The following MTCL2 variants were observed in gnomAD, a reference collection of about 807,000 sequenced individuals.
MTCL2 encodes the protein microtubule crosslinking factor 2, also known as microtubule cross-linking factor 2.
At chr20:36,859,703 G>A in the MTCL2 span, 1 of 1,231,748 alleles carries the variant, frequency 8.1e-7, no homozygotes, top group Non-Finnish European at 1.0e-6. Context: ...ACAGTTCCCA[G>A]TGACCCCTAC....
the MTCL2 span, among the ~76,000 whole-genome samples, chr20:36,846,579 C>G: frequency 6.6e-6 from 1 of 152,190 alleles, no homozygotes; most frequent in Non-Finnish European, 1.5e-5. Flanking sequence ...GGCTTTCTAT[C>G]TCTTCCACCG....
the MTCL2 span, among the ~76,000 whole-genome samples, chr20:36,825,811 C>G: frequency 6.6e-6 from 1 of 152,154 alleles, no homozygotes; most frequent in Non-Finnish European, 1.5e-5. Context: ...TAAACACAGG[C>G]TCCCGCCTCC....
At chr20:36,846,317 C>G in the MTCL2 span, among the ~76,000 whole-genome samples, 1 of 152,320 alleles carries the variant, frequency 6.6e-6, no homozygotes, top group East Asian at 1.9e-4. Context: ...AGCCTTGGGG[C>G]CCCTGACCCT....
the MTCL2 span, among the ~76,000 whole-genome samples, chr20:36,786,790 CTGT>C: frequency 6.6e-6 from 1 of 152,214 alleles, no homozygotes. Flanking sequence ...TTTTTTCTTT[CTGT>C]TGTTCTTCTC....
the MTCL2 span, among the ~76,000 whole-genome samples, chr20:36,795,256 T>G: frequency 6.6e-6 from 1 of 152,000 alleles, no homozygotes; most frequent in East Asian, 1.9e-4. Flanking sequence ...TGGCTAATTT[T>G]TAAAAAATTT....
chr20:36,777,994 C>A, the MTCL2 span: 1 of 504,866 alleles, frequency 2.0e-6, no homozygotes, highest in South Asian at 3.0e-5. Context: ...GTGAGGTTCC[C>A]AAGGGAGAAA....
chr20:36,785,402 T>A, the MTCL2 span: 2 of 984,200 alleles, frequency 2.0e-6, no homozygotes, highest in Non-Finnish European at 2.4e-6. Flanking sequence ...CCTTAAATAT[T>A]TATAGTAGGA....
the MTCL2 span, among the ~76,000 whole-genome samples, chr20:36,825,644 C>G: frequency 2.0e-5 from 3 of 152,204 alleles, no homozygotes; most frequent in Non-Finnish European, 2.9e-5. Flanking sequence ...TGTTCCCAGC[C>G]GGGTGACAGC....
the MTCL2 span, chr20:36,784,877 AAAC>A: frequency 4.2e-5 from 41 of 985,502 alleles, no homozygotes; most frequent in Non-Finnish European, 4.9e-5. Context: ...AAGCTGCGAT[AAAC>A]AACATTCTCA....
At chr20:36,835,088 C>A in the MTCL2 span, among the ~76,000 whole-genome samples, 2 of 152,162 alleles carry the variant, frequency 1.3e-5, no homozygotes, top group African/African-American at 4.8e-5. Flanking sequence ...TTCATTTTAT[C>A]CTCACAAAAA....
the MTCL2 span, chr20:36,785,260 C>G: frequency 1.0e-6 from 1 of 985,416 alleles, no homozygotes; most frequent in Non-Finnish European, 1.2e-6. Flanking sequence ...CTCGTCCACC[C>G]AGGGGACCCC....
At chr20:36,855,946 C>T in the MTCL2 span, among the ~76,000 whole-genome samples, 2 of 152,196 alleles carry the variant, frequency 1.3e-5, no homozygotes, top group East Asian at 3.9e-4. Context: ...TCCGGCAGGG[C>T]AGGCCTCAGG....
chr20:36,819,668 T>C, the MTCL2 span, among the ~76,000 whole-genome samples: 1 of 151,352 alleles, frequency 6.6e-6, no homozygotes, highest in Non-Finnish European at 1.5e-5. Context: ...GAGACATCAG[T>C]ATTTTTCAAA....
the MTCL2 span, among the ~76,000 whole-genome samples, chr20:36,829,972 C>T: frequency 2.0e-5 from 3 of 152,024 alleles, no homozygotes; most frequent in African/African-American, 7.2e-5. Flanking sequence ...GCACTCCAGC[C>T]TGGGCAATAA....
the MTCL2 span, among the ~76,000 whole-genome samples, chr20:36,792,840 A>G: frequency 3.1e-5 from 4 of 127,156 alleles, no homozygotes; most frequent in African/African-American, 1.2e-4. Context: ...AGATATATAG[A>G]TAGATAGATA....
the MTCL2 span, among the ~76,000 whole-genome samples, chr20:36,811,907 T>G: frequency 2.0e-5 from 3 of 152,170 alleles, no homozygotes; most frequent in Non-Finnish European, 2.9e-5. Flanking sequence ...CTCCACCCAG[T>G]CCGTAGGAGC....
At chr20:36,815,643 T>A in the MTCL2 span, 1 of 1,606,630 alleles carries the variant, frequency 6.2e-7, no homozygotes, top group Non-Finnish European at 8.5e-7. This position sits in a 1 kb window ranked among gnomAD's most constrained non-coding sequence, Gnocchi z 5.3. Context: ...GCGCTGGAGG[T>A]TGGAGAGGAG....
the MTCL2 span, chr20:36,808,818 G>A: frequency 2.2e-6 from 3 of 1,360,532 alleles, no homozygotes; most frequent in East Asian, 2.5e-5. Context: ...CCCTGGACAG[G>A]GGCAGGGAGG....
At chr20:36,833,929 G>A in the MTCL2 span, among the ~76,000 whole-genome samples, 2 of 152,184 alleles carry the variant, frequency 1.3e-5, no homozygotes, top group African/African-American at 2.4e-5. Flanking sequence ...TTGGGAGGCC[G>A]AGGCCGGCAG....
Sources: allele counts gnomAD v4.1 joint callset (sites outside exome capture counted in the v4.1 genomes callset), GRCh38; gene constraint gnomAD v4.1.1; non-coding constraint Gnocchi (gnomAD v3.1); transcripts MANE v1.5; gene names NCBI Gene and HGNC (gene_info 2026-07-23, HGNC 2026-07-21).